The following LUZP1 variants were observed in gnomAD, a reference collection of about 807,000 sequenced individuals.
LUZP1 encodes the protein leucine zipper protein 1.
LUZP1 carries 25 observed loss-of-function variants against 71.3 expected under a neutral mutation model. The ratio of observed to expected loss-of-function variants is 0.35; its 90% CI spans 0.26 to 0.49. The LOEUF (loss-of-function observed/expected upper bound fraction) is 0.49. Among genes scored for constraint, LUZP1 ranks in the 20% least tolerant of loss-of-function variants. The pLI, the probability that LUZP1 is intolerant of heterozygous loss-of-function variation, is 0.99. For synonymous variants in LUZP1, 481 were observed against 506.4 expected, an observed-to-expected ratio of 0.95 and a Z score of 0.67; for missense variants, 1,142 against 1,300.8, an observed-to-expected ratio of 0.88 and a Z score of 1.88.
intron 2 of LUZP1, among the ~76,000 whole-genome samples, chr1:23,157,722 C>T (rs879875009): frequency 1.3e-5 from 2 of 151,760 alleles, no homozygotes; most frequent in Non-Finnish European, 2.9e-5. Flanking sequence ...ACCCAGGAGG[C>T]GGAGGTTGCA....
intron 2 of LUZP1, among the ~76,000 whole-genome samples, chr1:23,154,581 C>T (rs367765803): frequency 4.0e-5 from 6 of 151,598 alleles, no homozygotes; most frequent in African/African-American, 7.3e-5. Context: ...CTTGCTCTGT[C>T]GCCCAGGCTG....
intron 2 of LUZP1, among the ~76,000 whole-genome samples, chr1:23,143,690 T>C (rs1368128703): frequency 6.6e-6 from 1 of 152,244 alleles, no homozygotes; most frequent in Non-Finnish European, 1.5e-5. Context: ...CAATTTTAAC[T>C]AGAAACTCAA....
At chr1:23,166,048 C>CAAAAAAAAAAAAAAAAAAAAA (rs76454136) in intron 2 of LUZP1, among the ~76,000 whole-genome samples, 1 of 98,534 alleles carries the variant, frequency 1.0e-5, no homozygotes, top group Non-Finnish European at 2.3e-5. Flanking sequence ...GTCTTTTTAC[C>CAAAAAAAAAAAAAAAAAAAAA]AAAAAAAAAA....
At chr1:23,096,706 C>T (rs1390706575) in intron 3 of LUZP1, among the ~76,000 whole-genome samples, 1 of 152,140 alleles carries the variant, frequency 6.6e-6, no homozygotes, top group Admixed American at 6.5e-5. Flanking sequence ...GGTGCGGTGG[C>T]TCACGCCTGT....
intron 2 of LUZP1, among the ~76,000 whole-genome samples, chr1:23,130,293 T>A (rs746234941): frequency 6.6e-6 from 1 of 152,220 alleles, no homozygotes; most frequent in Non-Finnish European, 1.5e-5. Flanking sequence ...CTATGATAGA[T>A]GTACTGTTCT....
chr1:23,091,006 G>A (rs1643843368), intron 4 of LUZP1, 184 bp downstream of exon 3: 1 of 742,522 alleles, frequency 1.3e-6, no homozygotes, highest in Non-Finnish European at 2.4e-6. Flanking sequence ...AAGTGATGCT[G>A]CCAAAAACCT....
intron 2 of LUZP1, chr1:23,140,204 AC>A (rs1644291641): frequency 6.6e-6 from 1 of 151,604 alleles, no homozygotes. Context: ...CTGTAGTAGC[AC>A]CTATCCAGAC....
chr1:23,094,836 AT>A lies in LUZP1; in HGVS notation c.-119-457del, dbSNP rs975603323. The stretch of plus-strand genomic sequence containing the variant: ...TAACAAAGCAATAAACAATCCTAAG[AT>A]TTTTTTTTTTAAAGATTATCTCTTA... On this transcript the variant is annotated intron_variant, in intron 3 of 4. Coordinates refer to ENST00000302291, the Ensembl canonical transcript of LUZP1. This position sits in a 1 kb window ranked among gnomAD's most constrained non-coding sequence, Gnocchi z 4.7. Among the ~76,000 whole-genome samples, 615 of 149,206 alleles carry A rather than the reference AT, an allele frequency of 4.1e-3. 3 individuals are homozygous for A. Among genetic ancestry groups the A allele is most frequent in the Middle Eastern group, 0.014 (4 of 294 alleles).
chr1:23,141,151 G>A (rs1644299637), intron 2 of LUZP1: 1 of 152,312 alleles, frequency 6.6e-6, no homozygotes, highest in Admixed American at 6.5e-5. Flanking sequence ...GTGACAACTA[G>A]CCCTCAGCCT....
intron 2 of LUZP1, chr1:23,133,798 A>G: frequency 6.9e-6 from 1 of 144,424 alleles, no homozygotes; most frequent in South Asian, 2.4e-4. Flanking sequence ...TAAATAAATA[A>G]ATAAAGAGAT....
rs574524697 is a variant in LUZP1 at position 23,147,522 on chromosome 1, C to G, written c.-226+21244G>C. On this transcript the variant is annotated intron_variant, in intron 2 of 4. Transcript: ENST00000302291. The stretch of plus-strand genomic sequence containing the variant: ...CAGGTGCTCACACCTGTAAACCAAG[C>G]AAGCACTTTGGAAGACTGAGGTGGA... Among the ~76,000 whole-genome samples, 8 of 141,382 alleles carry G rather than the reference C, an allele frequency of 5.7e-5. No individual in the cohort carries two copies. The East Asian group carries it at 1.7e-3, about 30-fold the overall frequency. The allele number at this position is 141,382 out of a possible 152,430, so 92.8% of individuals were successfully genotyped here.
chr1:23,144,255 C>T (rs1353168385), intron 2 of LUZP1, among the ~76,000 whole-genome samples: 2 of 152,088 alleles, frequency 1.3e-5, no homozygotes, highest in African/African-American at 2.4e-5. Context: ...GGAAAGAGTA[C>T]ATCTGACCAA....
chr1:23,140,619 G>A (rs1644294836), intron 2 of LUZP1: 1 of 152,160 alleles, frequency 6.6e-6, no homozygotes. Flanking sequence ...TTCTAGCCCT[G>A]GACCACCAAG....
intron 2 of LUZP1, among the ~76,000 whole-genome samples, chr1:23,133,907 A>T (rs1644233887): frequency 6.6e-6 from 1 of 152,204 alleles, no homozygotes; most frequent in African/African-American, 2.4e-5. Context: ...GAATCTAAGT[A>T]CAAGAAAACA....
chr1:23,170,232 C>T (rs1291030191), intron 1 of LUZP1, among the ~76,000 whole-genome samples: 1 of 152,176 alleles, frequency 6.6e-6, no homozygotes, highest in Non-Finnish European at 1.5e-5. Flanking sequence ...TCAGAACCCA[C>T]ACATGTTTGT....
chr1:23,116,538 T>C (rs1644080307), intron 2 of LUZP1, among the ~76,000 whole-genome samples: 1 of 147,038 alleles, frequency 6.8e-6, no homozygotes, highest in Non-Finnish European at 1.5e-5. Context: ...TGAAAGAAAG[T>C]TGGCCAAATC....
chr1:23,159,851 T>C (rs1317355695), intron 2 of LUZP1, among the ~76,000 whole-genome samples: 3 of 152,190 alleles, frequency 2.0e-5, no homozygotes, highest in Non-Finnish European at 4.4e-5. Context: ...CTGGGCATGG[T>C]GGCATGCGCC....
At chr1:23,143,055 G>A (rs944188825) in intron 2 of LUZP1, among the ~76,000 whole-genome samples, 4 of 151,870 alleles carry the variant, frequency 2.6e-5, no homozygotes, top group Admixed American at 6.6e-5. Flanking sequence ...CTTGTCCGGG[G>A]TGGAGTGCAG....
rs925572757 is a variant in LUZP1, at chr1:23,168,875, A to T, written c.-335T>A. 2 of 152,156 alleles carry T rather than the reference A, an allele frequency of 1.3e-5. No individual in the cohort carries two copies. Among genetic ancestry groups the T allele is most frequent in the Non-Finnish European group, 2.9e-5 (2 of 68,042 alleles). 9.4% of individuals were successfully genotyped at this position (152,156 alleles called of 1,614,324 possible). Reference sequence around the variant, plus strand: ...GACTGACAATGAGGGGCGGGGCCAAATTGTGACGTCAGCGTTCTGGAAGGC... The same window carrying T: ...GACTGACAATGAGGGGCGGGGCCAATTTGTGACGTCAGCGTTCTGGAAGGC... On this transcript the variant is annotated 5_prime_UTR_variant, in exon 2 of 5. Coordinates refer to ENST00000302291, the Ensembl canonical transcript of LUZP1.
Sources: gnomAD v4.1 joint callset for allele counts (sites outside exome capture counted in the v4.1 genomes callset) on GRCh38, gnomAD v4.1.1 for gene constraint, Gnocchi (gnomAD v3.1) non-coding constraint, MANE v1.5 for transcripts, NCBI Gene and HGNC (gene_info 2026-07-23, HGNC 2026-07-21) for gene names.